Variants in LSAMP observed in about 807,000 individuals in gnomAD.
The protein encoded by LSAMP is limbic system associated membrane protein.
A neutral mutation model predicts 38.6 loss-of-function variants in LSAMP; 7 were observed. That is an observed-to-expected ratio of 0.18 (90% CI 0.10 to 0.34). The LOEUF is 0.34. LSAMP is among the 10% of genes least tolerant of loss of function. LSAMP has a pLI of 1.00. For missense variants in LSAMP, 313 were observed against 420.0 expected (o/e 0.75, Z 2.23); for synonymous variants, 154 against 166.8 (o/e 0.92, Z 0.59).
At chr3:116,294,085 T>A (rs1559816907) in intron 1 of LSAMP, among the ~76,000 whole-genome samples, 1 of 152,100 alleles carries the variant, frequency 6.6e-6, no homozygotes. Context: ...ATAATGATGA[T>A]GATCATCATC....
intron 1 of LSAMP, among the ~76,000 whole-genome samples, chr3:116,282,790 C>T (rs773380084): frequency 2.6e-4 from 39 of 150,592 alleles, no homozygotes; most frequent in Non-Finnish European, 4.9e-4. Context: ...AGGCTCATAA[C>T]CCATTTTACA....
intron 6 of LSAMP, among the ~76,000 whole-genome samples, chr3:115,831,875 T>C (rs1391062967): frequency 1.3e-5 from 2 of 152,184 alleles, no homozygotes; most frequent in African/African-American, 4.8e-5. Flanking sequence ...TATTTTGTTT[T>C]GTTTTTGGCA....
chr3:116,206,714 T>G (rs4555516), intron 1 of LSAMP, among the ~76,000 whole-genome samples: 75,691 of 151,478 alleles, frequency 0.5, 21,445 homozygotes, highest in East Asian at 0.74. Flanking sequence ...CTGAGCAGTT[T>G]TGAGTGAGAT....
intron 1 of LSAMP, among the ~76,000 whole-genome samples, chr3:116,197,528 T>G (rs1029667820): frequency 6.6e-6 from 1 of 152,248 alleles, no homozygotes; most frequent in South Asian, 2.1e-4. Flanking sequence ...CTTAAAGCAC[T>G]GTGCCAACTC....
chr3:116,144,227 A>T (rs547315440), intron 1 of LSAMP, among the ~76,000 whole-genome samples: 68 of 152,154 alleles, frequency 4.5e-4, no homozygotes, highest in Non-Finnish European at 7.9e-4. Flanking sequence ...TAAGCTCATT[A>T]ACTCTGTTGT....
intron 1 of LSAMP, among the ~76,000 whole-genome samples, chr3:116,174,187 T>A (rs938117328): frequency 1.1e-4 from 16 of 152,128 alleles, no homozygotes; most frequent in African/African-American, 3.4e-4. Context: ...TTAGTTCTTA[T>A]AAACTTCCCA....
At chr3:115,936,475 T>C (rs1383349572) in intron 3 of LSAMP, among the ~76,000 whole-genome samples, 1 of 152,154 alleles carries the variant, frequency 6.6e-6, no homozygotes, top group Non-Finnish European at 1.5e-5. Context: ...TGAGGTGTCA[T>C]AAAAAGAGAA....
chr3:115,842,364 T>A, intron 5 of LSAMP, 94 bp downstream of exon 5: 3 of 1,465,602 alleles, frequency 2.0e-6, no homozygotes, highest in Non-Finnish European at 2.8e-6. Context: ...TTCTACATAA[T>A]TACAACTGGC....
At chr3:116,113,420 A>ATATATATATT (rs1553705042) in intron 1 of LSAMP, among the ~76,000 whole-genome samples, 2 of 51,028 alleles carry the variant, frequency 3.9e-5, no homozygotes, top group African/African-American at 1.9e-4. Context: ...ATATATATAT[A>ATATATATATT]TTTTTTTTTT....
intron 1 of LSAMP, among the ~76,000 whole-genome samples, chr3:116,313,599 G>C (rs2047587724): frequency 6.6e-6 from 1 of 152,198 alleles, no homozygotes; most frequent in Non-Finnish European, 1.5e-5. Flanking sequence ...GTCAAGGTTG[G>C]TTCATAGGCC....
At chr3:115,979,429 T>C (rs1208204294) in intron 3 of LSAMP, among the ~76,000 whole-genome samples, 1 of 152,150 alleles carries the variant, frequency 6.6e-6, no homozygotes, top group African/African-American at 2.4e-5. Flanking sequence ...TTATATCCAT[T>C]ATGAAATATA....
At chr3:116,148,477 C>T (rs1165108028) in intron 1 of LSAMP, among the ~76,000 whole-genome samples, 1 of 151,916 alleles carries the variant, frequency 6.6e-6, no homozygotes, top group Non-Finnish European at 1.5e-5. Context: ...ACATAAAGGA[C>T]ATTCCTCATA....
At chr3:116,015,801 T>G (rs961965449) in intron 3 of LSAMP, among the ~76,000 whole-genome samples, 3 of 152,134 alleles carry the variant, frequency 2.0e-5, no homozygotes, top group African/African-American at 7.2e-5. Flanking sequence ...AAATATTGTC[T>G]TCCTAAAAAT....
chr3:115,899,871 T>C (rs1289593877), intron 3 of LSAMP, among the ~76,000 whole-genome samples: 1 of 152,176 alleles, frequency 6.6e-6, no homozygotes, highest in Non-Finnish European at 1.5e-5. Context: ...ATCTAATTTA[T>C]TTCAGAGGGA....
chr3:115,866,254 T>C (rs547233953), intron 3 of LSAMP, among the ~76,000 whole-genome samples: 1 of 152,140 alleles, frequency 6.6e-6, no homozygotes, highest in Non-Finnish European at 1.5e-5. Flanking sequence ...AGACACTAGA[T>C]TCATGACAAA....
chr3:115,910,563 C>T (rs557634058), intron 3 of LSAMP, among the ~76,000 whole-genome samples: 6 of 152,216 alleles, frequency 3.9e-5, no homozygotes, highest in African/African-American at 4.8e-5. Flanking sequence ...TTTCTCCCAA[C>T]GTTAACATCT....
At chr3:116,427,591 G>A (rs1424249699) in intron 1 of LSAMP, among the ~76,000 whole-genome samples, 1 of 151,864 alleles carries the variant, frequency 6.6e-6, no homozygotes, top group Non-Finnish European at 1.5e-5. Flanking sequence ...GATTTTTGTG[G>A]GGCTTGCAAT....
chr3:116,300,177 T>A (rs1479655103), intron 1 of LSAMP, among the ~76,000 whole-genome samples: 1 of 152,178 alleles, frequency 6.6e-6, no homozygotes, highest in Non-Finnish European at 1.5e-5. Context: ...GGTTCCCATG[T>A]CCAAGGCACA....
intron 3 of LSAMP, among the ~76,000 whole-genome samples, chr3:115,962,374 C>T (rs1029535521): frequency 1.3e-5 from 2 of 152,142 alleles, no homozygotes; most frequent in Non-Finnish European, 2.9e-5. Context: ...GGAAGAGGAA[C>T]ATTTTCTTCA....
Sources: gnomAD v4.1 joint callset for allele counts (sites outside exome capture counted in the v4.1 genomes callset) on GRCh38, gnomAD v4.1.1 for gene constraint, MANE v1.5 for transcripts, NCBI Gene and HGNC (gene_info 2026-07-23, HGNC 2026-07-21) for gene names.